COBL: variants seen among roughly 807,000 people sequenced by gnomAD.
The protein encoded by COBL is protein cordon-bleu.
COBL carries 51 observed loss-of-function variants against 98.8 expected under a neutral mutation model. The observed-to-expected ratio is 0.52, with a 90% CI of 0.41 to 0.65. The LOEUF (loss-of-function observed/expected upper bound fraction) is 0.65. COBL is among the 30% of genes least tolerant of loss of function. The pLI is 0.00. For synonymous variants in COBL, 634 were observed against 651.7 expected (o/e 0.97, Z 0.41); for missense variants, 1,617 against 1,617.5 (o/e 1.00, Z 0.01).
chr7:51,079,193 T>C (rs988425306), intron 7 of COBL, among the ~76,000 whole-genome samples: 1 of 152,060 alleles, frequency 6.6e-6, no homozygotes, highest in African/African-American at 2.4e-5. Flanking sequence ...AAGAAACCAC[T>C]CGAGAAGGTG....
chr7:51,311,509 G>A (rs1803036800), intron 1 of COBL, among the ~76,000 whole-genome samples: 1 of 152,232 alleles, frequency 6.6e-6, no homozygotes, highest in Non-Finnish European at 1.5e-5. Context: ...TTTGCAAGAA[G>A]CAACTAGAAT....
intron 8 of COBL, among the ~76,000 whole-genome samples, chr7:51,038,360 A>C (rs1250738124): frequency 1.3e-5 from 2 of 152,200 alleles, no homozygotes; most frequent in African/African-American, 4.8e-5. Flanking sequence ...CCACTGGGCC[A>C]GGACAGTTTT....
rs1404548911 is a variant in COBL, at chr7:51,208,161, C to T, written c.245+11580G>A. Among the ~76,000 whole-genome samples, 15 of 151,606 alleles carry T rather than the reference C, an allele frequency of 9.9e-5. No individual in the cohort carries two copies. The East Asian group carries it at 3.0e-3, about 30-fold the overall frequency. On this transcript the variant is annotated intron_variant, in intron 2 of 12. Transcript: ENST00000265136. ...GTGAGGAGCGTCTCTGCCTGGCCGC[C>T]CCGTCTGAGAAGAGAGGAGACCCTC... is the stretch of plus-strand genomic sequence containing the variant.
chr7:51,193,284 CT>C, intron 3 of COBL, 94 bp downstream of exon 3: 4 of 1,105,724 alleles, frequency 3.6e-6, no homozygotes, highest in East Asian at 2.4e-5. Flanking sequence ...CCACAGCTCT[CT>C]GCACTGTACT....
At chr7:51,106,496 A>T (rs188101502) in intron 6 of COBL, among the ~76,000 whole-genome samples, 2 of 152,338 alleles carry the variant, frequency 1.3e-5, no homozygotes, top group Non-Finnish European at 2.9e-5. Context: ...ACAAGAAAAG[A>T]GTTCTCCCAG....
At chr7:51,040,216 A>G (rs2128884646) in intron 8 of COBL, among the ~76,000 whole-genome samples, 1 of 151,524 alleles carries the variant, frequency 6.6e-6, no homozygotes, top group African/African-American at 2.4e-5. Flanking sequence ...AAACCTCAAA[A>G]TGGTGCCCAA....
At chr7:51,037,131 TTATC>T (rs1012876229) in intron 8 of COBL, among the ~76,000 whole-genome samples, 5 of 152,132 alleles carry the variant, frequency 3.3e-5, no homozygotes, top group Admixed American at 6.5e-5. Flanking sequence ...ATGTGTCTAT[TTATC>T]TATTTTTCAA....
intron 2 of COBL, among the ~76,000 whole-genome samples, chr7:51,218,703 T>C (rs972648786): frequency 1.3e-5 from 2 of 152,212 alleles, no homozygotes; most frequent in African/African-American, 4.8e-5. Context: ...CTCATACTTC[T>C]GACCTCAAGT....
At chr7:51,206,260 G>A (rs556611817) in intron 2 of COBL, among the ~76,000 whole-genome samples, 1 of 152,280 alleles carries the variant, frequency 6.6e-6, no homozygotes, top group South Asian at 2.1e-4. Flanking sequence ...GGGAGGCCAA[G>A]GTGGGTGGAT....
intron 7 of COBL, among the ~76,000 whole-genome samples, chr7:51,081,393 G>A (rs535842453): frequency 4.0e-4 from 61 of 152,326 alleles, no homozygotes; most frequent in South Asian, 1.9e-3. Context: ...AAGGCAAGAC[G>A]AAGGTGAGTC....
In COBL at chr7:51,100,012, T is replaced by C. The variant is rs1169158364; in HGVS notation, c.958-14708A>G. Among the ~76,000 whole-genome samples, 3 of 152,328 alleles carry C rather than the reference T, an allele frequency of 2.0e-5. No individual in the cohort carries two copies. The East Asian group carries it at 5.8e-4, about 29-fold the overall frequency. ...GTATTCAAGAGTTCTTAGGAAGAGA[T>C]GAGATGCCTGGCCTTGCCACCACCT... On this transcript the variant is annotated intron_variant, in intron 6 of 12. Coordinates refer to ENST00000265136, the MANE Select transcript of COBL (RefSeq NM_015198.5).
intron 1 of COBL, among the ~76,000 whole-genome samples, chr7:51,222,712 T>C (rs1046980744): frequency 2.0e-5 from 3 of 150,170 alleles, no homozygotes; most frequent in Admixed American, 6.7e-5. Flanking sequence ...AAAGGTGTTT[T>C]CAGGGGAAAA....
At chr7:51,194,904 A>T (rs1200644363) in intron 2 of COBL, among the ~76,000 whole-genome samples, 1 of 151,866 alleles carries the variant, frequency 6.6e-6, no homozygotes, top group Non-Finnish European at 1.5e-5. Context: ...TTCCTTTTAG[A>T]TGCTGGATAT....
intron 5 of COBL, among the ~76,000 whole-genome samples, chr7:51,171,038 G>A (rs1437489): frequency 0.084 from 12,722 of 152,060 alleles, 625 homozygotes; most frequent in Middle Eastern, 0.14. Flanking sequence ...TATGTACAAT[G>A]ATTATGAATC....
chr7:51,244,013 T>C (rs1584289325), intron 1 of COBL, among the ~76,000 whole-genome samples: 1 of 152,150 alleles, frequency 6.6e-6, no homozygotes, highest in South Asian at 2.1e-4. Flanking sequence ...ATATATCAGC[T>C]AAGGAAAGAT....
At chr7:51,245,904 C>T (rs1324910486) in intron 1 of COBL, among the ~76,000 whole-genome samples, 1 of 152,148 alleles carries the variant, frequency 6.6e-6, no homozygotes, top group Non-Finnish European at 1.5e-5. Flanking sequence ...ACAAATCCTG[C>T]CTGCAGAGTA....
chr7:51,265,109 C>T (rs1464065295), intron 1 of COBL, among the ~76,000 whole-genome samples: 1 of 152,202 alleles, frequency 6.6e-6, no homozygotes, highest in African/African-American at 2.4e-5. Flanking sequence ...ATGCCCCACT[C>T]AAGAAAGTCT....
intron 7 of COBL, among the ~76,000 whole-genome samples, chr7:51,050,478 A>G (rs148918570): frequency 5.5e-4 from 84 of 152,318 alleles, no homozygotes; most frequent in Non-Finnish European, 8.5e-4. Context: ...CAGGTAACCA[A>G]TTTATCATAT....
At chr7:51,199,052 T>C (rs1457180710) in intron 2 of COBL, among the ~76,000 whole-genome samples, 2 of 152,176 alleles carry the variant, frequency 1.3e-5, no homozygotes, top group Non-Finnish European at 2.9e-5. Context: ...AGTCCCATCT[T>C]CCATTTCCTG....
Sources: gnomAD v4.1 joint callset for allele counts (sites outside exome capture counted in the v4.1 genomes callset) on GRCh38, gnomAD v4.1.1 for gene constraint, MANE v1.5 for transcripts, NCBI Gene and HGNC (gene_info 2026-07-23, HGNC 2026-07-21) for gene names.